Variants in GALNT1 observed in about 807,000 individuals in gnomAD.
The protein encoded by GALNT1 is GalNAc transferase 1.
In GALNT1, 17 loss-of-function variants were observed where a neutral mutation model predicts 65.7. The observed-to-expected ratio is 0.26, with a 90% CI of 0.18 to 0.39. The LOEUF is 0.39. Ranked by LOEUF, GALNT1 falls within the 10% of genes least tolerant of loss-of-function variation. The pLI is 1.00. For missense variants in GALNT1, 460 were observed against 672.8 expected (o/e 0.68, Z 3.50); for synonymous variants, 210 against 219.7 (o/e 0.96, Z 0.39).
rs1275238625 is a variant in GALNT1, at chr18:35,691,004, G to A, written c.979-8G>A. ...TACATGTTACATGGTCATCTCTGCT[G>A]TTTTCAGATTTGGCAGTGTGGAGGA... On this transcript the variant is annotated splice_region_variant and splice_polypyrimidine_tract_variant and intron_variant, in intron 7 of 11. Transcript: ENST00000269195. The A allele has an allele frequency of 1.9e-6, 3 of 1,586,438 alleles. No individual in the cohort carries two copies. The highest frequency in any genetic ancestry group is 2.2e-5 in the East Asian group (1 of 44,452).
intron 8 of GALNT1, 84 bp from the exon 9 acceptor site, chr18:35,692,097 C>CATCTGGCTTATTAGATTCAATATATA: frequency 8.2e-7 from 1 of 1,216,856 alleles, no homozygotes; most frequent in Non-Finnish European, 1.2e-6. Flanking sequence ...TGTTCTGATT[C>CATCTGGCTTATTAGATTCAATATATA]ATCTGGCTTA....
intron 9 of GALNT1, among the ~76,000 whole-genome samples, chr18:35,702,367 C>T (rs964602454): frequency 1.3e-5 from 2 of 152,096 alleles, no homozygotes; most frequent in African/African-American, 2.4e-5. Flanking sequence ...GGGGCATTAC[C>T]TAAAATATTC....
At chr18:35,614,792 TA>T (rs2144065999) in intron 1 of GALNT1, among the ~76,000 whole-genome samples, 1 of 152,216 alleles carries the variant, frequency 6.6e-6, no homozygotes, top group Admixed American at 6.5e-5. Flanking sequence ...ATCATTATGG[TA>T]AAGTCAGTTC....
rs1598797359 is a variant in GALNT1 at position 35,656,934 on chromosome 18, C to G, written c.139+2133C>G. ...ATTTAAGTAGTGGAGTTTACATAAC[C>G]TGGGGGGCCATCGAATGTAGGGAAT... On this transcript the variant is annotated intron_variant, in intron 2 of 11. Transcript: ENST00000269195. 3.3e-5 allele frequency among the ~76,000 whole-genome samples: 5 copies of G among 152,194 alleles called. 1 individual carries two copies. The highest frequency in any genetic ancestry group is 3.3e-4 in the Admixed American group (5 of 15,284).
chr18:35,627,869 C>T (rs953008885), intron 1 of GALNT1, among the ~76,000 whole-genome samples: 4 of 152,176 alleles, frequency 2.6e-5, no homozygotes, highest in African/African-American at 9.7e-5. Context: ...CACTCCCACC[C>T]TAATACTGCG....
At chr18:35,671,553 A>G (rs1336635620) in intron 3 of GALNT1, among the ~76,000 whole-genome samples, 2 of 152,344 alleles carry the variant, frequency 1.3e-5, no homozygotes, top group Non-Finnish European at 2.9e-5. Context: ...GTTGAACCAT[A>G]TGAAATTGAT....
chr18:35,602,341 A>G (rs2046592422), intron 1 of GALNT1, among the ~76,000 whole-genome samples: 1 of 152,042 alleles, frequency 6.6e-6, no homozygotes, highest in Non-Finnish European at 1.5e-5. Flanking sequence ...ATCTTGGGGT[A>G]GCGTTATTTG....
At chr18:35,661,197 TAGAG>T in intron 2 of GALNT1, among the ~76,000 whole-genome samples, 3 of 151,900 alleles carry the variant, frequency 2.0e-5, no homozygotes, top group Non-Finnish European at 4.4e-5. Context: ...GAAACAAAAG[TAGAG>T]AGAATAGAAA....
intron 9 of GALNT1, among the ~76,000 whole-genome samples, chr18:35,694,665 A>G (rs1281174105): frequency 3.3e-5 from 5 of 152,250 alleles, no homozygotes. Context: ...ATAGCCAAGA[A>G]GTAGAAGCAC....
At chr18:35,688,180 CTCAGG>C (rs1371849691) in intron 6 of GALNT1, among the ~76,000 whole-genome samples, 1 of 152,186 alleles carries the variant, frequency 6.6e-6, no homozygotes, top group Non-Finnish European at 1.5e-5. Flanking sequence ...ACACAAAAAA[CTCAGG>C]TCAAGAAAAC....
chr18:35,588,927 A>T (rs561401968), intron 1 of GALNT1, among the ~76,000 whole-genome samples: 1 of 152,008 alleles, frequency 6.6e-6, no homozygotes, highest in African/African-American at 2.4e-5. Flanking sequence ...TTTTTCATTC[A>T]GTTTGAGTTC....
intron 2 of GALNT1, among the ~76,000 whole-genome samples, chr18:35,661,841 C>T (rs972047426): frequency 4.6e-5 from 7 of 152,048 alleles, no homozygotes; most frequent in Non-Finnish European, 8.8e-5. Flanking sequence ...AAAAACTGAG[C>T]AGCATGAAAA....
intron 1 of GALNT1, among the ~76,000 whole-genome samples, chr18:35,590,503 T>C (rs1016006621): frequency 1.3e-5 from 2 of 152,208 alleles, no homozygotes; most frequent in Non-Finnish European, 2.9e-5. Context: ...TTAAGCATCA[T>C]GGAAGTTATG....
At chr18:35,671,453 T>C (rs13381111) in intron 3 of GALNT1, among the ~76,000 whole-genome samples, 1,656 of 152,296 alleles carry the variant, frequency 0.011, 23 homozygotes, top group African/African-American at 0.038. Context: ...GTATTTTAAA[T>C]TTAATCTTTG....
At chr18:35,615,012 C>T (rs2046765720) in intron 1 of GALNT1, among the ~76,000 whole-genome samples, 1 of 151,826 alleles carries the variant, frequency 6.6e-6, no homozygotes, top group Non-Finnish European at 1.5e-5. Flanking sequence ...TTCCTATAAA[C>T]GTATCAATTA....
At chr18:35,614,339 TA>T (rs920512677) in intron 1 of GALNT1, among the ~76,000 whole-genome samples, 1 of 152,034 alleles carries the variant, frequency 6.6e-6, no homozygotes, top group East Asian at 1.9e-4. Flanking sequence ...AGTTTAAAGT[TA>T]AAAAAACCAT....
At chr18:35,647,581 T>C (rs2047247665) in intron 1 of GALNT1, among the ~76,000 whole-genome samples, 1 of 152,172 alleles carries the variant, frequency 6.6e-6, no homozygotes, top group South Asian at 2.1e-4. Context: ...TGGCAGAAAC[T>C]CTAGCTGTTA....
chr18:35,588,846 C>G (rs982548811), intron 1 of GALNT1, among the ~76,000 whole-genome samples: 27 of 152,076 alleles, frequency 1.8e-4, no homozygotes, highest in Admixed American at 1.6e-3. Flanking sequence ...GCATGTCTAT[C>G]ACAGCTGCTT....
In GALNT1 at chr18:35,711,364, C is replaced by T. The variant is rs538774824; in HGVS notation, c.*1594C>T. On this transcript the variant is annotated 3_prime_UTR_variant, in exon 12 of 12. Coordinates refer to ENST00000269195, the MANE Select transcript of GALNT1 (RefSeq NM_020474.4). ...CTAAGAATGTTTCCAAAAGTCGCATCGCTAATGATATTTGCCAAGTTGAGT... is the reference window on the plus strand; with the variant it reads ...CTAAGAATGTTTCCAAAAGTCGCATTGCTAATGATATTTGCCAAGTTGAGT... 5.2e-5 allele frequency: 8 copies of T among 152,680 alleles called. No individual in the cohort carries two copies. Among genetic ancestry groups the T allele is most frequent in the Middle Eastern group, 3.4e-3 (1 of 294 alleles). The allele number at this position is 152,680 out of a possible 1,614,324, so 9.5% of individuals were successfully genotyped here. A position where few individuals can be genotyped will look rare whatever the true frequency, so the allele number is the denominator to read the frequency against.
Sources: gnomAD v4.1 joint callset for allele counts (sites outside exome capture counted in the v4.1 genomes callset) on GRCh38, gnomAD v4.1.1 for gene constraint, MANE v1.5 for transcripts, NCBI Gene and HGNC (gene_info 2026-07-23, HGNC 2026-07-21) for gene names.